The following POU2AF1 variants were observed in gnomAD, a reference collection of about 807,000 sequenced individuals.
POU2AF1 encodes POU domain class 2-associating factor 1.
Under a neutral mutation model 26.3 loss-of-function variants are expected in POU2AF1, and 12 were observed. That is an observed-to-expected ratio of 0.46 (90% CI 0.29 to 0.74). The LOEUF (loss-of-function observed/expected upper bound fraction) is 0.74. POU2AF1 is among the 30% of genes least tolerant of loss of function. POU2AF1 has a pLI of 0.09. For synonymous variants in POU2AF1, 175 were observed against 148.0 expected, an observed-to-expected ratio of 1.18 and a Z score of -1.32; for missense variants, 297 against 334.5, an observed-to-expected ratio of 0.89 and a Z score of 0.87.
At chr11:111,355,354 G>A (rs11213849) in intron 4 of POU2AF1, among the ~76,000 whole-genome samples, 2,937 of 152,262 alleles carry the variant, frequency 0.019, 96 homozygotes, top group African/African-American at 0.066. Flanking sequence ...CCTGCACGGC[G>A]ACTGCCCTCA....
intron 2 of POU2AF1, among the ~76,000 whole-genome samples, chr11:111,358,468 ATACATT>A (rs1591192363): frequency 4.9e-4 from 73 of 147,530 alleles, no homozygotes; most frequent in South Asian, 1.5e-3. Context: ...TCTCACACAC[ATACATT>A]CTCACACACT....
chr11:111,370,912 TG>T (rs1204725985), intron 1 of POU2AF1, among the ~76,000 whole-genome samples: 1 of 152,250 alleles, frequency 6.6e-6, no homozygotes, highest in Non-Finnish European at 1.5e-5. Flanking sequence ...TTTCTCTAGC[TG>T]GAAATAATTC....
At position 111,354,260 on chromosome 11, in the gene POU2AF1, C is replaced by G; in HGVS notation, c.*1G>C. ...GAACAGGACTCAGGTGGGAGCCACG[C>G]CTAAAAGCCTTCCACAGAGAGAGTG... is the stretch of plus-strand genomic sequence containing the variant. On this transcript the variant is annotated 3_prime_UTR_variant, in exon 5 of 5. Coordinates refer to ENST00000393067, the MANE Select transcript of POU2AF1 (RefSeq NM_006235.3). 6.2e-7 allele frequency: 1 copy of G among 1,614,084 alleles called. No homozygotes were observed. Among genetic ancestry groups the G allele is most frequent in the Non-Finnish European group, 8.5e-7 (1 of 1,180,006 alleles).
intron 1 of POU2AF1, among the ~76,000 whole-genome samples, chr11:111,368,192 C>T (rs1002483625): frequency 6.6e-6 from 1 of 152,144 alleles, no homozygotes; most frequent in Non-Finnish European, 1.5e-5. Flanking sequence ...GGTTGGTTTC[C>T]ACCTACACCT....
intron 2 of POU2AF1, 134 bp downstream of exon 2, chr11:111,358,650 TCACA>T: frequency 9.2e-6 from 10 of 1,091,640 alleles, no homozygotes; most frequent in Middle Eastern, 2.9e-4. Context: ...TATCACACTC[TCACA>T]CACTCTATCA....
chr11:111,359,827 T>C (rs1044587215), intron 1 of POU2AF1, among the ~76,000 whole-genome samples: 1 of 152,234 alleles, frequency 6.6e-6, no homozygotes, highest in Non-Finnish European at 1.5e-5. Flanking sequence ...TTAAGCTCAG[T>C]TGATACTTAT....
chr11:111,364,186 C>T (rs1848981662), intron 1 of POU2AF1: 2 of 167,760 alleles, frequency 1.2e-5, no homozygotes, highest in Admixed American at 6.5e-5. Flanking sequence ...AAATAAGAGT[C>T]CTGCAGCTGC....
intron 1 of POU2AF1, among the ~76,000 whole-genome samples, chr11:111,365,813 C>CA (rs1381584534): frequency 6.6e-6 from 1 of 151,134 alleles, no homozygotes; most frequent in African/African-American, 2.4e-5. Flanking sequence ...GCCAAGATCG[C>CA]ACCATTGCAC....
rs1363518651 is a variant in POU2AF1, at chr11:111,379,225, CT to C, written c.-49del. The C allele has an allele frequency of 6.2e-7, 1 of 1,613,500 alleles. No homozygotes were observed. The highest frequency in any genetic ancestry group is 1.7e-5 in the Admixed American group (1 of 60,034). ...TTTCTCTTTGAAGCCGACAGTTTGGCTTCTTTAATGTGAGACCGGGGTGTGT... is the reference window on the plus strand; with the variant it reads ...TTTCTCTTTGAAGCCGACAGTTTGGCTCTTTAATGTGAGACCGGGGTGTGT... On this transcript the variant is annotated 5_prime_UTR_variant, in exon 1 of 5. Coordinates refer to ENST00000393067, the MANE Select transcript of POU2AF1 (RefSeq NM_006235.3).
chr11:111,358,761 C>T (rs774396655), intron 2 of POU2AF1, 27 bp downstream of exon 2: 6 of 1,553,936 alleles, frequency 3.9e-6, no homozygotes, highest in South Asian at 3.5e-5. Context: ...CACACACACT[C>T]ACACTCTCAC....
At chr11:111,372,047 C>G (rs1335923061) in intron 1 of POU2AF1, among the ~76,000 whole-genome samples, 4 of 122,508 alleles carry the variant, frequency 3.3e-5, no homozygotes, top group Non-Finnish European at 7.4e-5. Flanking sequence ...CACACACACA[C>G]ACACACACAC....
chr11:111,353,742 C>A lies in POU2AF1; in HGVS notation c.*519G>T. 2 of 250,468 alleles carry A rather than the reference C, an allele frequency of 8.0e-6. No homozygotes were observed. The highest frequency in any genetic ancestry group is 1.5e-5 in the Non-Finnish European group (2 of 131,054). 15.5% of individuals were successfully genotyped at this position (250,468 alleles called of 1,614,324 possible). ...TTCAGCAGGCACTGGAGGAAGGAGG[C>A]CTTTTCCAAGAAATGAAATGTGACA... On this transcript the variant is annotated 3_prime_UTR_variant, in exon 5 of 5. Transcript: ENST00000393067.
chr11:111,357,467 G>A lies in POU2AF1; in HGVS notation c.434C>T (p.Pro145Leu), dbSNP rs1452228207. Reference sequence around the variant, plus strand: ...TACCGTGACATTGGTGATGAGTGGCGGAGAGGCATAGGTCAACACTGAGGA... The same window carrying A: ...TACCGTGACATTGGTGATGAGTGGCAGAGAGGCATAGGTCAACACTGAGGA... ...GPSSVLTYAS[P>L]PLITNVTTRS... The change falls in exon 4 of 5, where the codon CCG (proline) becomes CTG (leucine). Residue 145 changes from proline (P) to leucine (L), a missense_variant. Pro to Leu is a moderately conservative substitution (Grantham distance 98). Coordinates refer to ENST00000393067, the MANE Select transcript of POU2AF1 (RefSeq NM_006235.3). 3 of 1,614,070 alleles carry A rather than the reference G, an allele frequency of 1.9e-6. No homozygotes were observed. Among genetic ancestry groups the A allele is most frequent in the African/African-American group, 1.3e-5 (1 of 74,924 alleles).
Position 111,357,493 on chromosome 11 carries a change from G to A in POU2AF1, c.408C>T (p.Pro136=), listed in dbSNP as rs1860870233. The change falls in exon 4 of 5, where the codon CCC becomes CCT. Residue 136 remains proline (P), a synonymous_variant. Transcript: ENST00000393067. ...PVCPSYTVVG[P]SSVLTYASPP... ...GAGAGGCATAGGTCAACACTGAGGA[G>A]GGCCCCACCACCGTGTAGCTGGGGC... 1.9e-6 allele frequency: 3 copies of A among 1,614,000 alleles called. No individual in the cohort carries two copies. The highest frequency in any genetic ancestry group is 2.5e-6 in the Non-Finnish European group (3 of 1,180,032).
chr11:111,375,483 G>A (rs1170143956), intron 1 of POU2AF1, among the ~76,000 whole-genome samples: 12 of 132,122 alleles, frequency 9.1e-5, no homozygotes, highest in East Asian at 2.5e-4. Context: ...TGTAAGCTCC[G>A]CCTCCCGGGT....
intron 1 of POU2AF1, among the ~76,000 whole-genome samples, chr11:111,375,779 A>G (rs1861299995): frequency 6.6e-6 from 1 of 152,238 alleles, no homozygotes; most frequent in Non-Finnish European, 1.5e-5. Flanking sequence ...ATGTTTTTCT[A>G]TTATAAGCCA....
In POU2AF1 at chr11:111,353,926, A is replaced by AAGGGAAGG. The variant is rs1318396489; in HGVS notation, c.*327_*334dup. ...GAGGGAGGTAAAGAAGGAAAGGGAG[A>AAGGGAAGG]AGGGAAGGAGGGAAGGAAGGGAGGG... On this transcript the variant is annotated 3_prime_UTR_variant, in exon 5 of 5. Coordinates refer to ENST00000393067, the MANE Select transcript of POU2AF1 (RefSeq NM_006235.3). 8.8e-5 allele frequency: 26 copies of AAGGGAAGG among 295,354 alleles called. No homozygotes were observed. The East Asian group carries it at 1.6e-3, about 18-fold the overall frequency. 18.3% of individuals were successfully genotyped at this position (295,354 alleles called of 1,614,324 possible).
chr11:111,375,213 T>C (rs2135140646), intron 1 of POU2AF1, among the ~76,000 whole-genome samples: 1 of 152,258 alleles, frequency 6.6e-6, no homozygotes, highest in South Asian at 2.1e-4. Flanking sequence ...AAAGCAACTG[T>C]CCAATTTGTT....
chr11:111,369,036 T>G (rs1227854834), intron 1 of POU2AF1, among the ~76,000 whole-genome samples: 1 of 152,208 alleles, frequency 6.6e-6, no homozygotes, highest in Non-Finnish European at 1.5e-5. Flanking sequence ...GGCCTTCTGT[T>G]GCCTGCCAGG....
Sources: allele counts gnomAD v4.1 joint callset (sites outside exome capture counted in the v4.1 genomes callset), GRCh38; gene constraint gnomAD v4.1.1; transcripts MANE v1.5; gene names NCBI Gene and HGNC (gene_info 2026-07-23, HGNC 2026-07-21).